The following CPHXL2 variants were observed in gnomAD, a reference collection of about 807,000 sequenced individuals.
CPHXL2 encodes the protein cytoplasmic polyadenylated homeobox-like protein 2.
At chr16:75,672,476 A>G in the CPHXL2 span, among the ~76,000 whole-genome samples, 1 of 152,050 alleles carries the variant, frequency 6.6e-6, no homozygotes, top group African/African-American at 2.4e-5. Flanking sequence ...CTGTAATGCC[A>G]GCATTTATAA....
At chr16:75,662,080 T>C in the CPHXL2 span, among the ~76,000 whole-genome samples, 4 of 152,218 alleles carry the variant, frequency 2.6e-5, no homozygotes, top group Non-Finnish European at 5.9e-5. Context: ...TTTGACTGAC[T>C]GGCTTTGGGT....
At chr16:75,673,839 A>C in the CPHXL2 span, among the ~76,000 whole-genome samples, 1 of 151,420 alleles carries the variant, frequency 6.6e-6, no homozygotes, top group Non-Finnish European at 1.5e-5. Context: ...AATTAGCTGG[A>C]TGCAGTGGTG....
chr16:75,663,426 G>T, the CPHXL2 span, among the ~76,000 whole-genome samples: 1 of 152,010 alleles, frequency 6.6e-6, no homozygotes, highest in African/African-American at 2.4e-5. Context: ...CAATTCTAAG[G>T]CCCCCTAACC....
chr16:75,668,332 G>T, the CPHXL2 span, among the ~76,000 whole-genome samples: 1 of 150,970 alleles, frequency 6.6e-6, no homozygotes, highest in Non-Finnish European at 1.5e-5. Flanking sequence ...GGGTTCCAGC[G>T]ATTCTCCTGT....
At chr16:75,672,483 A>C in the CPHXL2 span, among the ~76,000 whole-genome samples, 30 of 152,094 alleles carry the variant, frequency 2.0e-4, no homozygotes, top group Non-Finnish European at 1.3e-4. Flanking sequence ...GCCAGCATTT[A>C]TAATTTTTTG....
At chr16:75,660,720 CTTTCCCTGG>C in the CPHXL2 span, 10 of 398,540 alleles carry the variant, frequency 2.5e-5, no homozygotes, top group South Asian at 1.3e-3. Context: ...TGCATGCTGG[CTTTCCCTGG>C]TTTCAGTCCT....
At chr16:75,660,848 A>G in the CPHXL2 span, 5 of 398,650 alleles carry the variant, frequency 1.3e-5, no homozygotes, top group East Asian at 3.6e-5. Context: ...TGTCACCTCC[A>G]TACTCCAAAG....
the CPHXL2 span, among the ~76,000 whole-genome samples, chr16:75,666,269 C>T: frequency 1.3e-5 from 2 of 152,148 alleles, no homozygotes; most frequent in East Asian, 3.9e-4. Flanking sequence ...GCTGGAGTTC[C>T]CAAATTTATA....
At chr16:75,666,494 G>T in the CPHXL2 span, among the ~76,000 whole-genome samples, 2 of 151,628 alleles carry the variant, frequency 1.3e-5, no homozygotes, top group South Asian at 4.2e-4. Context: ...TATAATTCCA[G>T]CTACGTGGGA....
At chr16:75,667,133 G>C in the CPHXL2 span, among the ~76,000 whole-genome samples, 1 of 151,868 alleles carries the variant, frequency 6.6e-6, no homozygotes. Flanking sequence ...CCAATATGGT[G>C]AAACCCTGCC....
At chr16:75,661,757 CAAGTA>C in the CPHXL2 span, among the ~76,000 whole-genome samples, 12 of 152,192 alleles carry the variant, frequency 7.9e-5, no homozygotes, top group East Asian at 1.7e-3. Flanking sequence ...TCAAGTTTCA[CAAGTA>C]AAGAGTGCAA....
At chr16:75,673,156 C>A in the CPHXL2 span, among the ~76,000 whole-genome samples, 1 of 150,846 alleles carries the variant, frequency 6.6e-6, no homozygotes, top group African/African-American at 2.5e-5. Context: ...ATTTGGAGGC[C>A]AGGTGTGGTG....
At chr16:75,666,789 C>G in the CPHXL2 span, among the ~76,000 whole-genome samples, 36 of 152,074 alleles carry the variant, frequency 2.4e-4, no homozygotes, top group Admixed American at 2.4e-3. Flanking sequence ...TTCTATTAAT[C>G]AGCACATGGA....
At chr16:75,663,741 CCGGGCATGGTGG>C in the CPHXL2 span, among the ~76,000 whole-genome samples, 2 of 151,892 alleles carry the variant, frequency 1.3e-5, no homozygotes, top group Admixed American at 6.6e-5. Context: ...AAAAAATTAG[CCGGGCATGGTGG>C]CGGGCACCTG....
At chr16:75,662,795 T>TA in the CPHXL2 span, among the ~76,000 whole-genome samples, 9 of 146,356 alleles carry the variant, frequency 6.1e-5, no homozygotes, top group African/African-American at 2.0e-4. Flanking sequence ...GGGAGATAAT[T>TA]CTTTTTTTTT....
chr16:75,671,536 C>A, the CPHXL2 span, among the ~76,000 whole-genome samples: 1 of 152,114 alleles, frequency 6.6e-6, no homozygotes, highest in South Asian at 2.1e-4. Context: ...ACATACTAGA[C>A]TGGAAGCCCC....
At chr16:75,668,289 C>T in the CPHXL2 span, among the ~76,000 whole-genome samples, 38 of 147,382 alleles carry the variant, frequency 2.6e-4, 1 homozygote, top group East Asian at 6.5e-3. Flanking sequence ...AGTGCAGTGG[C>T]GGGATCTCTG....
chr16:75,670,408 T>C, the CPHXL2 span, among the ~76,000 whole-genome samples: 12 of 152,216 alleles, frequency 7.9e-5, no homozygotes, highest in Admixed American at 7.9e-4. Flanking sequence ...CTGAGTGCTC[T>C]CTGAGTTCCA....
At chr16:75,663,533 T>C in the CPHXL2 span, among the ~76,000 whole-genome samples, 2 of 152,152 alleles carry the variant, frequency 1.3e-5, no homozygotes, top group African/African-American at 4.8e-5. Flanking sequence ...ACCTGCCTCA[T>C]TATACCCTCC....
Sources: allele counts gnomAD v4.1 joint callset (sites outside exome capture counted in the v4.1 genomes callset), GRCh38; gene constraint gnomAD v4.1.1; transcripts MANE v1.5; gene names NCBI Gene and HGNC (gene_info 2026-07-23, HGNC 2026-07-21).